The following SH3BP4 variants were observed in gnomAD, a reference collection of about 807,000 sequenced individuals.
The protein encoded by SH3BP4 is SH3 domain-binding protein 4.
A neutral mutation model predicts 65.5 loss-of-function variants in SH3BP4; 33 were observed. That is an observed-to-expected ratio of 0.50 (90% CI 0.38 to 0.67). SH3BP4 has a LOEUF of 0.67. Ranked by LOEUF, SH3BP4 falls within the 30% of genes least tolerant of loss-of-function variation. The pLI is 0.00. For synonymous variants in SH3BP4, 552 were observed against 545.5 expected (o/e 1.01, Z -0.17); for missense variants, 1,134 against 1,261.4 (o/e 0.90, Z 1.53).
At position 234,952,365 on chromosome 2, in the gene SH3BP4, G is replaced by T. The variant is rs574762763; in HGVS notation, c.-207+195G>T. 6.6e-6 allele frequency among the ~76,000 whole-genome samples: 1 copy of T among 151,002 alleles called. No individual in the cohort carries two copies. Among genetic ancestry groups the T allele is most frequent in the East Asian group, 2.0e-4 (1 of 5,094 alleles). The stretch of plus-strand genomic sequence containing the variant: ...GGGCGGCTTCGGGGAAGCCTCGCGC[G>T]CCCCTCGCCGCTCCCCCGGGCGCTC... On this transcript the variant is annotated intron_variant, in intron 1 of 5. Coordinates refer to ENST00000392011, the MANE Select transcript of SH3BP4 (RefSeq NM_014521.3). The surrounding 1 kb of genome is among the most constrained non-coding windows in gnomAD (Gnocchi z 6.5).
intron 2 of SH3BP4, among the ~76,000 whole-genome samples, chr2:235,014,691 G>A (rs2106301327): frequency 6.6e-6 from 1 of 152,064 alleles, no homozygotes; most frequent in South Asian, 2.1e-4. Context: ...CTTCTCACCG[G>A]GTCTTCACAT....
rs1692507077 is a variant in SH3BP4, at chr2:234,952,901, C to T, written c.-207+731C>T. 6.6e-6 allele frequency: 1 copy of T among 152,110 alleles called. No individual in the cohort carries two copies. Among genetic ancestry groups the T allele is most frequent in the African/African-American group, 2.4e-5 (1 of 41,420 alleles). 9.4% of individuals were successfully genotyped at this position (152,110 alleles called of 1,614,324 possible). A position where few individuals can be genotyped will look rare whatever the true frequency, so the allele number is the denominator to read the frequency against. On this transcript the variant is annotated intron_variant, in intron 1 of 5. Transcript: ENST00000392011. This position sits in a 1 kb window ranked among gnomAD's most constrained non-coding sequence, Gnocchi z 6.5. ...GGCACGGGCGGGTGTCAGTTGGGACCCCAACCCTGGGTCCCGCGGCTCCTA... is the reference window on the plus strand; with the variant it reads ...GGCACGGGCGGGTGTCAGTTGGGACTCCAACCCTGGGTCCCGCGGCTCCTA...
In SH3BP4 at chr2:235,046,717, T is replaced by TTGAATGAATGAATGATGGA. The variant is rs1695870281; in HGVS notation, c.2478+3488_2478+3506dup. On this transcript the variant is annotated intron_variant, in intron 4 of 5. Coordinates refer to ENST00000392011, the MANE Select transcript of SH3BP4 (RefSeq NM_014521.3). This position sits in a 1 kb window ranked among gnomAD's most constrained non-coding sequence, Gnocchi z 4.2. ...ACTGAGGTACTAGATGGATAAGTGA[T>TTGAATGAATGAATGATGGA]TGAATGAATGAATGATGGATGAATG... Among the ~76,000 whole-genome samples the TTGAATGAATGAATGATGGA allele has an allele frequency of 2.7e-5, 4 of 146,466 alleles. No homozygotes were observed. The highest frequency in any genetic ancestry group is 1.4e-4 in the Admixed American group (2 of 14,774).
chr2:234,975,811 GGCTGCAGTGA>G (rs1311772455), intron 1 of SH3BP4, among the ~76,000 whole-genome samples: 3 of 152,162 alleles, frequency 2.0e-5, no homozygotes, highest in East Asian at 3.9e-4. Flanking sequence ...AGGAGATTGA[GGCTGCAGTGA>G]GCTGCAGTCA....
At position 234,967,985 on chromosome 2, in the gene SH3BP4, C is replaced by T. The variant is rs1443153841; in HGVS notation, c.-207+15815C>T. Among the ~76,000 whole-genome samples the T allele has an allele frequency of 6.6e-6, 1 of 152,138 alleles. No homozygotes were observed. Among genetic ancestry groups the T allele is most frequent in the African/African-American group, 2.4e-5 (1 of 41,422 alleles). On this transcript the variant is annotated intron_variant, in intron 1 of 5. Coordinates refer to ENST00000392011, the MANE Select transcript of SH3BP4 (RefSeq NM_014521.3). The surrounding 1 kb of genome is among the most constrained non-coding windows in gnomAD (Gnocchi z 4.6). The stretch of plus-strand genomic sequence containing the variant: ...ATGGTGAAGGCACCTGCTGGGTTTC[C>T]TGCCACCTGTGGAGAAGCCCGCTCC...
intron 2 of SH3BP4, among the ~76,000 whole-genome samples, chr2:235,017,153 T>G (rs1444929556): frequency 6.6e-6 from 1 of 150,884 alleles, no homozygotes; most frequent in Non-Finnish European, 1.5e-5. Context: ...ACTTAATATA[T>G]TCACATTTCT....
intron 1 of SH3BP4, among the ~76,000 whole-genome samples, chr2:234,957,277 C>T (rs952002046): frequency 1.3e-5 from 2 of 152,074 alleles, no homozygotes; most frequent in Non-Finnish European, 2.9e-5. Flanking sequence ...GCTTGGCCTC[C>T]CAAAGTGCTG....
At chr2:235,017,071 G>A (rs1441116832) in intron 2 of SH3BP4, among the ~76,000 whole-genome samples, 4 of 96,022 alleles carry the variant, frequency 4.2e-5, no homozygotes, top group African/African-American at 1.9e-4. Context: ...TTTTTTTTTG[G>A]TATATAGCCT....
At chr2:235,004,186 T>C (rs1231682296) in intron 2 of SH3BP4, among the ~76,000 whole-genome samples, 1 of 152,234 alleles carries the variant, frequency 6.6e-6, no homozygotes, top group Non-Finnish European at 1.5e-5. Context: ...AGTGTCACAG[T>C]TATTTTTAAT....
In SH3BP4 at chr2:235,053,944, A is replaced by G. The variant is rs1319569170; in HGVS notation, c.*128A>G. 1 of 702,686 alleles carries G rather than the reference A, an allele frequency of 1.4e-6. No individual in the cohort carries two copies. The highest frequency in any genetic ancestry group is 2.4e-6 in the Non-Finnish European group (1 of 416,664). 43.5% of individuals were successfully genotyped at this position (702,686 alleles called of 1,614,324 possible). The stretch of plus-strand genomic sequence containing the variant: ...CAGACAGATTTAGGGCCCGCCAGCT[A>G]GGCTACACCCATCATGCGCCGCCCT... On this transcript the variant is annotated 3_prime_UTR_variant, in exon 6 of 6. Transcript: ENST00000392011.
rs528875486 is a variant in SH3BP4 at position 234,987,505 on chromosome 2, G to A, written c.-206-7798G>A. On this transcript the variant is annotated intron_variant, in intron 1 of 5. Transcript: ENST00000392011. ...AGGTCGTGGAGCTGGTGTGAGAAAC[G>A]TGAACCCACATGTTTGACTTATGAC... Among the ~76,000 whole-genome samples, 237 of 152,254 alleles carry A rather than the reference G, an allele frequency of 1.6e-3. 1 individual carries two copies. The highest frequency in any genetic ancestry group is 2.8e-3 in the Non-Finnish European group (189 of 68,012).
chr2:234,964,778 G>A lies in SH3BP4; in HGVS notation c.-207+12608G>A, dbSNP rs551723090. Among the ~76,000 whole-genome samples the A allele has an allele frequency of 9.2e-5, 14 of 152,236 alleles. No homozygotes were observed. The South Asian group carries it at 2.5e-3, about 27-fold the overall frequency. On this transcript the variant is annotated intron_variant, in intron 1 of 5. Coordinates refer to ENST00000392011, the MANE Select transcript of SH3BP4 (RefSeq NM_014521.3). Reference sequence around the variant, plus strand: ...GGACAGGTCCTTCTGCACTTCCCTCGCTTTGAACTTGTATCTAAGGGCACC... The same window carrying A: ...GGACAGGTCCTTCTGCACTTCCCTCACTTTGAACTTGTATCTAAGGGCACC...
chr2:234,964,051 G>A (rs1692778811), intron 1 of SH3BP4, among the ~76,000 whole-genome samples: 1 of 152,196 alleles, frequency 6.6e-6, no homozygotes, highest in African/African-American at 2.4e-5. Context: ...GTTTTGCACA[G>A]GGGCCTGGCT....
intron 1 of SH3BP4, among the ~76,000 whole-genome samples, chr2:234,968,990 C>T (rs1335088449): frequency 6.6e-6 from 1 of 152,200 alleles, no homozygotes; most frequent in Admixed American, 6.5e-5. Flanking sequence ...ATGCTGTCTT[C>T]TAGAGCTCTT....
rs11898961 is a variant in SH3BP4, at chr2:235,030,332, A to G, written c.-132-4539A>G. On this transcript the variant is annotated intron_variant, in intron 2 of 5. Coordinates refer to ENST00000392011, the MANE Select transcript of SH3BP4 (RefSeq NM_014521.3). The surrounding 1 kb of genome is among the most constrained non-coding windows in gnomAD (Gnocchi z 4.1). ...GCAGAGAGTGTTTTGTCAGGCTCACATCTTGGCTGCGTTACCCTGGGCAAG... is the reference window on the plus strand; with the variant it reads ...GCAGAGAGTGTTTTGTCAGGCTCACGTCTTGGCTGCGTTACCCTGGGCAAG... Among the ~76,000 whole-genome samples the G allele has an allele frequency of 0.12, 17,665 of 152,158 alleles. 2,598 individuals are homozygous for G. Among genetic ancestry groups the G allele is most frequent in the African/African-American group, 0.34 (14,300 of 41,450 alleles).
chr2:235,002,741 A>G (rs1310037511), intron 2 of SH3BP4, among the ~76,000 whole-genome samples: 1 of 152,242 alleles, frequency 6.6e-6, no homozygotes, highest in African/African-American at 2.4e-5. Flanking sequence ...CAAAACAAGT[A>G]AAACAAAAAG....
At chr2:235,021,722 C>T (rs560071328) in intron 2 of SH3BP4, among the ~76,000 whole-genome samples, 85 of 151,926 alleles carry the variant, frequency 5.6e-4, no homozygotes, top group Admixed American at 1.4e-3. Flanking sequence ...AGAAGCCAGA[C>T]CTTCCATGTA....
At chr2:234,986,815 T>A (rs944095356) in intron 1 of SH3BP4, among the ~76,000 whole-genome samples, 5 of 152,020 alleles carry the variant, frequency 3.3e-5, no homozygotes, top group South Asian at 4.2e-4. Flanking sequence ...TTTTATTTTT[T>A]TTTTTTTTGA....
At chr2:234,999,927 C>G (rs1313682679) in intron 2 of SH3BP4, among the ~76,000 whole-genome samples, 1 of 152,246 alleles carries the variant, frequency 6.6e-6, no homozygotes, top group Non-Finnish European at 1.5e-5. Flanking sequence ...CGCAGCAGCC[C>G]TTTGCAGGAC....
Sources: gnomAD v4.1 joint callset for allele counts (sites outside exome capture counted in the v4.1 genomes callset) on GRCh38, gnomAD v4.1.1 for gene constraint, Gnocchi (gnomAD v3.1) non-coding constraint, MANE v1.5 for transcripts, NCBI Gene and HGNC (gene_info 2026-07-23, HGNC 2026-07-21) for gene names.